The following PCDHB16 variants were observed in gnomAD, a reference collection of about 807,000 sequenced individuals.
PCDHB16 encodes protocadherin beta-16.
For synonymous variants in PCDHB16, 444 were observed against 436.5 expected, an observed-to-expected ratio of 1.02 and a Z score of -0.21; for missense variants, 1,026 against 989.9, an observed-to-expected ratio of 1.04 and a Z score of -0.49.
At position 141,184,740 on chromosome 5, in the gene PCDHB16, G is replaced by C; in HGVS notation, c.2181G>C (p.Met727Ile). Residue 727 changes from methionine to isoleucine, a missense_variant, in exon 1 of 1, where the codon ATG (methionine) becomes ATC (isoleucine). Coordinates refer to ENST00000609684, the MANE Select transcript of PCDHB16 (RefSeq NM_020957.4). ...SRAASVGRCS[M>I]PEGPFPGRLV... Reference sequence around the variant, plus strand: ...CGGCCTCGGTGGGCCGCTGCTCGATGCCTGAGGGCCCCTTTCCAGGGCGTC... The same window carrying C: ...CGGCCTCGGTGGGCCGCTGCTCGATCCCTGAGGGCCCCTTTCCAGGGCGTC... The C allele has an allele frequency of 6.2e-7, 1 of 1,614,068 alleles. No homozygotes were observed. The highest frequency in any genetic ancestry group is 8.5e-7 in the Non-Finnish European group (1 of 1,180,020).
At position 141,185,284 on chromosome 5, in the gene PCDHB16, TTAGGCA is replaced by T. The variant is rs1374056601; in HGVS notation, c.*397_*402del. ...GTATTAAAATAACCTGTTGCATGTATTAGGCATATTTCCTATGTTACATTTCTTTTG... is the reference window on the plus strand; with the variant it reads ...GTATTAAAATAACCTGTTGCATGTATTATTTCCTATGTTACATTTCTTTTG... On this transcript the variant is annotated 3_prime_UTR_variant, in exon 1 of 1. Transcript: ENST00000609684. 2.5e-5 allele frequency: 23 copies of T among 938,586 alleles called. No homozygotes were observed. The highest frequency in any genetic ancestry group is 2.9e-5 in the Non-Finnish European group (22 of 771,086). The allele number at this position is 938,586 out of a possible 1,614,324, so 58.1% of individuals were successfully genotyped here.
At position 141,183,942 on chromosome 5, in the gene PCDHB16, C is replaced by A. The variant is rs782323992; in HGVS notation, c.1383C>A (p.Arg461=). 9.9e-6 allele frequency: 16 copies of A among 1,613,722 alleles called. No homozygotes were observed. The highest frequency in any genetic ancestry group is 1.7e-5 in the Admixed American group (1 of 59,994). ...FTQTSYTLFV[R]ENNSPALHIG... Reference sequence around the variant, plus strand: ...AAACCTCCTACACCCTGTTCGTCCGCGAGAACAACAGCCCCGCCCTGCACA... The same window carrying A: ...AAACCTCCTACACCCTGTTCGTCCGAGAGAACAACAGCCCCGCCCTGCACA... Residue 461 remains arginine (R), a synonymous_variant, in exon 1 of 1, where the codon CGC becomes CGA. Coordinates refer to ENST00000609684, the MANE Select transcript of PCDHB16 (RefSeq NM_020957.4).
chr5:141,184,952 G>C lies in PCDHB16; in HGVS notation c.*62G>C, dbSNP rs1554282495. ...CACAATAGCTTTGGATTTAATTATTGATAGGAACCCATTTGATAAATTCCT... is the reference window on the plus strand; with the variant it reads ...CACAATAGCTTTGGATTTAATTATTCATAGGAACCCATTTGATAAATTCCT... On this transcript the variant is annotated 3_prime_UTR_variant, in exon 1 of 1. Coordinates refer to ENST00000609684, the MANE Select transcript of PCDHB16 (RefSeq NM_020957.4). The C allele has an allele frequency of 1.9e-6, 3 of 1,564,900 alleles. No homozygotes were observed. The highest frequency in any genetic ancestry group is 2.6e-6 in the Non-Finnish European group (3 of 1,157,632).
rs781913224 is a variant in PCDHB16 at position 141,183,791 on chromosome 5, G to C, written c.1232G>C (p.Arg411Thr). ...TTGGTAACGGAGAGAGCACTCGACA[G>C]AGAAGCAAGAGCTGAATATAATATC... ...YTLVTERALDREARAEYNITL... is the reference protein window; with the variant it reads ...YTLVTERALDTEARAEYNITL... Residue 411 changes from arginine to threonine, a missense_variant, in exon 1 of 1, where the codon AGA becomes ACA. Coordinates refer to ENST00000609684, the MANE Select transcript of PCDHB16 (RefSeq NM_020957.4). 4 of 1,614,242 alleles carry C rather than the reference G, an allele frequency of 2.5e-6. No homozygotes were observed. In the South Asian group the frequency reaches 4.4e-5, roughly 18 times the overall value.
rs782506449 is a variant in PCDHB16, at chr5:141,183,232, A to G, written c.673A>G (p.Thr225Ala). 1 of 1,614,190 alleles carries G rather than the reference A, an allele frequency of 6.2e-7. No individual in the cohort carries two copies. Among genetic ancestry groups the G allele is most frequent in the South Asian group, 1.1e-5 (1 of 91,082 alleles). The change falls in exon 1 of 1, where the codon ACT (threonine) becomes GCT (alanine). Residue 225 changes from threonine to alanine, a missense_variant. Thr to Ala is a moderately conservative substitution (Grantham distance 58). Coordinates refer to ENST00000609684, the MANE Select transcript of PCDHB16 (RefSeq NM_020957.4). ...LDGGSPPRSG[T>A]AQVRIEVVDI... The stretch of plus-strand genomic sequence containing the variant: ...TGGTGGCTCTCCACCGCGATCTGGA[A>G]CTGCTCAGGTCCGTATTGAAGTGGT...
Position 141,183,335 on chromosome 5 carries a change from C to T in PCDHB16, c.776C>T (p.Ser259Phe). ...VQIPENSPLG[S>F]LVATVSARDL... Reference sequence around the variant, plus strand: ...ATTCCAGAGAACAGTCCTCTTGGCTCCCTGGTTGCCACCGTCTCCGCCAGG... The same window carrying T: ...ATTCCAGAGAACAGTCCTCTTGGCTTCCTGGTTGCCACCGTCTCCGCCAGG... Residue 259 changes from serine to phenylalanine, a missense_variant, in exon 1 of 1, where the codon TCC (serine) becomes TTC (phenylalanine). Ser to Phe is a radical substitution (Grantham distance 155). Coordinates refer to ENST00000609684, the MANE Select transcript of PCDHB16 (RefSeq NM_020957.4). The T allele has an allele frequency of 3.7e-6, 6 of 1,614,210 alleles. No homozygotes were observed. Among genetic ancestry groups the T allele is most frequent in the South Asian group, 1.1e-5 (1 of 91,086 alleles).
In PCDHB16 at chr5:141,182,610, C is replaced by G; in HGVS notation, c.51C>G (p.Phe17Leu). ...HNRRQRQVLV[F>L]FVLLSLSGAG... The stretch of plus-strand genomic sequence containing the variant: ...GGAGACAAAGGCAAGTCCTTGTTTT[C>G]TTTGTTTTGCTGAGCTTGTCTGGGG... Residue 17 changes from phenylalanine (F) to leucine (L), a missense_variant, in exon 1 of 1, where the codon TTC (phenylalanine) becomes TTG (leucine). Physicochemically the swap from Phe to Leu is conservative, Grantham distance 22. Transcript: ENST00000609684. 1 of 1,542,178 alleles carries G rather than the reference C, an allele frequency of 6.5e-7. No individual in the cohort carries two copies. Among genetic ancestry groups the G allele is most frequent in the Non-Finnish European group, 8.7e-7 (1 of 1,147,214 alleles).
Position 141,185,899 on chromosome 5 carries a change from T to A in PCDHB16, c.*1009T>A, listed in dbSNP as rs1753721825. ...GTAAGACATTCAGTATGTGTAAATG[T>A]GTTTGTGTTTGTAGACAAAAGGCAA... On this transcript the variant is annotated 3_prime_UTR_variant, in exon 1 of 1. Coordinates refer to ENST00000609684, the MANE Select transcript of PCDHB16 (RefSeq NM_020957.4). 2.0e-6 allele frequency: 2 copies of A among 984,046 alleles called. No individual in the cohort carries two copies. Among genetic ancestry groups the A allele is most frequent in the Admixed American group, 1.2e-4 (2 of 16,250 alleles). 61.0% of individuals were successfully genotyped at this position (984,046 alleles called of 1,614,324 possible). A position where few individuals can be genotyped will look rare whatever the true frequency, so the allele number is the denominator to read the frequency against.
chr5:141,184,240 G>T lies in PCDHB16; in HGVS notation c.1681G>T (p.Val561Leu), dbSNP rs1242312573. ...GGACGCCAACGACAACTCGCCCTTC[G>T]TGCTGTACCCGCTGCAGAACGGCTC... Reference protein sequence around the residue: ...VLDANDNSPFVLYPLQNGSAP... With the variant: ...VLDANDNSPFLLYPLQNGSAP... Residue 561 changes from valine to leucine, a missense_variant, in exon 1 of 1, where the codon GTG (valine) becomes TTG (leucine). Val to Leu is a conservative substitution (Grantham distance 32, BLOSUM62 1). Transcript: ENST00000609684. 3 of 1,582,614 alleles carry T rather than the reference G, an allele frequency of 1.9e-6. No individual in the cohort carries two copies. Among genetic ancestry groups the T allele is most frequent in the African/African-American group, 2.9e-5 (2 of 69,802 alleles).
In PCDHB16 at chr5:141,184,826, C is replaced by G. The variant is rs143988485; in HGVS notation, c.2267C>G (p.Thr756Arg). ...AGCTACCAATACGAGGTGTGTCTGA[C>G]AGGAGGCTCAGAAACAAGTGAGTTC... ...SQSYQYEVCL[T>R]GGSETSEFKF... The change falls in exon 1 of 1, where the codon ACA becomes AGA. Residue 756 changes from threonine to arginine, a missense_variant. Physicochemically the swap from Thr to Arg is moderately conservative, Grantham distance 71 (BLOSUM62 -1). Coordinates refer to ENST00000609684, the MANE Select transcript of PCDHB16 (RefSeq NM_020957.4). The G allele has an allele frequency of 6.2e-5, 100 of 1,614,086 alleles. No homozygotes were observed. Among genetic ancestry groups the G allele is most frequent in the Non-Finnish European group, 1.9e-5 (22 of 1,180,048 alleles).
chr5:141,183,398 C>G lies in PCDHB16; in HGVS notation c.839C>G (p.Thr280Arg). ...DGGANGKISYTLFQPSEDISK... is the reference protein window; with the variant it reads ...DGGANGKISYRLFQPSEDISK... The stretch of plus-strand genomic sequence containing the variant: ...GGAGCCAATGGAAAAATATCATACA[C>G]ACTCTTTCAGCCTTCGGAGGATATT... The change falls in exon 1 of 1, where the codon ACA (threonine) becomes AGA (arginine). Residue 280 changes from threonine (T) to arginine (R), a missense_variant. Transcript: ENST00000609684. 1 of 1,614,224 alleles carries G rather than the reference C, an allele frequency of 6.2e-7. No homozygotes were observed. Among genetic ancestry groups the G allele is most frequent in the South Asian group, 1.1e-5 (1 of 91,086 alleles).
At position 141,183,381 on chromosome 5, in the gene PCDHB16, T is replaced by G. The variant is rs782002892; in HGVS notation, c.822T>G (p.Asn274Lys). The G allele has an allele frequency of 6.2e-7, 1 of 1,614,028 alleles. No homozygotes were observed. Among genetic ancestry groups the G allele is most frequent in the Admixed American group, 1.7e-5 (1 of 60,018 alleles). ...VSARDLDGGA[N>K]GKISYTLFQP... is the part of the protein sequence containing the mutation. ...CCAGGGATTTAGACGGCGGAGCCAA[T>G]GGAAAAATATCATACACACTCTTTC... Residue 274 changes from asparagine (N) to lysine (K), a missense_variant, in exon 1 of 1, where the codon AAT (asparagine) becomes AAG (lysine). Transcript: ENST00000609684.
In PCDHB16 at chr5:141,183,193, C is replaced by T; in HGVS notation, c.634C>T (p.Leu212=). The T allele has an allele frequency of 1.2e-6, 2 of 1,614,208 alleles. No homozygotes were observed. The highest frequency in any genetic ancestry group is 1.7e-6 in the Non-Finnish European group (2 of 1,180,040). Reference sequence around the variant, plus strand: ...GGAGGAGCCTCAACTAAGATTAACCCTGACAGCGCTGGATGGTGGCTCTCC... The same window carrying T: ...GGAGGAGCCTCAACTAAGATTAACCTTGACAGCGCTGGATGGTGGCTCTCC... ...REEEPQLRLT[L]TALDGGSPPR... is the part of the protein sequence containing the mutation. The change falls in exon 1 of 1, where the codon CTG becomes TTG. Residue 212 remains leucine, a synonymous_variant. Transcript: ENST00000609684.
In PCDHB16 at chr5:141,185,761, A is replaced by G; in HGVS notation, c.*871A>G. On this transcript the variant is annotated 3_prime_UTR_variant, in exon 1 of 1. Coordinates refer to ENST00000609684, the MANE Select transcript of PCDHB16 (RefSeq NM_020957.4). ...TCTCGTAAAGTTACCTTTAAAAAAA[A>G]AGTTCTATTTTCCCTGTATTGGTAT... 1 of 992,686 alleles carries G rather than the reference A, an allele frequency of 1.0e-6. No homozygotes were observed. The highest frequency in any genetic ancestry group is 1.1e-4 in the East Asian group (1 of 8,776). 61.5% of individuals were successfully genotyped at this position (992,686 alleles called of 1,614,324 possible).
At position 141,182,464 on chromosome 5, in the gene PCDHB16, G is replaced by C; in HGVS notation, c.-96G>C. 9.2e-7 allele frequency: 1 copy of C among 1,091,102 alleles called. No homozygotes were observed. The highest frequency in any genetic ancestry group is 2.5e-5 in the Admixed American group (1 of 40,354). 67.6% of individuals were successfully genotyped at this position (1,091,102 alleles called of 1,614,324 possible). ...GTGAAACCTCTTTAAGACACCGTTG[G>C]GCTGCTTGGTTCTGACATTCTGGAC... On this transcript the variant is annotated 5_prime_UTR_variant, in exon 1 of 1. Transcript: ENST00000609684.
Position 141,183,712 on chromosome 5 carries a change from A to T in PCDHB16, c.1153A>T (p.Ile385Phe). 1 of 1,614,192 alleles carries T rather than the reference A, an allele frequency of 6.2e-7. No homozygotes were observed. Among genetic ancestry groups the T allele is most frequent in the Non-Finnish European group, 8.5e-7 (1 of 1,180,046 alleles). Reference sequence around the variant, plus strand: ...AAACAATGGGAAGACGATTTCCTCCATCCAGGAAGACCTTCCCTTTCTTCT... The same window carrying T: ...AAACAATGGGAAGACGATTTCCTCCTTCCAGGAAGACCTTCCCTTTCTTCT... Reference protein sequence around the residue: ...SGNNGKTISSIQEDLPFLLKP... With the variant: ...SGNNGKTISSFQEDLPFLLKP... The change falls in exon 1 of 1, where the codon ATC (isoleucine) becomes TTC (phenylalanine). Residue 385 changes from isoleucine to phenylalanine, a missense_variant. Transcript: ENST00000609684.
rs782500912 is a variant in PCDHB16, at chr5:141,182,739, C to T, written c.180C>T (p.Ser60=). The T allele has an allele frequency of 6.2e-7, 1 of 1,611,536 alleles. No homozygotes were observed. Among genetic ancestry groups the T allele is most frequent in the Admixed American group, 1.7e-5 (1 of 59,826 alleles). The stretch of plus-strand genomic sequence containing the variant: ...TGGGGTTGGGGTTGACAGAGATGTC[C>T]ACCCGCAAGGCCAGGATCATTTCCC... The part of the protein sequence containing the change: ...KDLGLGLTEM[S]TRKARIISQG... The change falls in exon 1 of 1, where the codon TCC becomes TCT. Residue 60 remains serine (S), a synonymous_variant. Transcript: ENST00000609684.
At position 141,185,713 on chromosome 5, in the gene PCDHB16, T is replaced by G. The variant is rs1753714021; in HGVS notation, c.*823T>G. The G allele has an allele frequency of 1.0e-6, 1 of 997,754 alleles. No individual in the cohort carries two copies. The highest frequency in any genetic ancestry group is 1.2e-6 in the Non-Finnish European group (1 of 827,894). The allele number at this position is 997,754 out of a possible 1,614,324, so 61.8% of individuals were successfully genotyped here. ...CCAATGTGCCCATCCAAAGTTTTAT[T>G]TATTTATTTTTTTGAGATGGAGTCT... On this transcript the variant is annotated 3_prime_UTR_variant, in exon 1 of 1. Coordinates refer to ENST00000609684, the MANE Select transcript of PCDHB16 (RefSeq NM_020957.4).
chr5:141,184,011 C>T lies in PCDHB16; in HGVS notation c.1452C>T (p.Ala484=), dbSNP rs61745655. 0.02 allele frequency: 32,819 copies of T among 1,607,338 alleles called. 1,347 individuals carry two copies. The highest frequency in any genetic ancestry group is 0.17 in the African/African-American group (12,482 of 73,466). The change falls in exon 1 of 1, where the codon GCC becomes GCT. Residue 484 remains alanine (A), a synonymous_variant. Coordinates refer to ENST00000609684, the MANE Select transcript of PCDHB16 (RefSeq NM_020957.4). The part of the protein sequence containing the change: ...SATDRDSGTN[A]QVTYSLLPPQ... The stretch of plus-strand genomic sequence containing the variant: ...CAGACAGAGACTCGGGCACCAACGC[C>T]CAGGTCACCTACTCGCTGCTGCCGC...
Sources: allele counts gnomAD v4.1 joint callset, GRCh38; gene constraint gnomAD v4.1.1; transcripts MANE v1.5; gene names NCBI Gene and HGNC (gene_info 2026-07-23, HGNC 2026-07-21).